ADK: variants seen among roughly 807,000 people sequenced by gnomAD.
The protein encoded by ADK is N6,N6-dimethyladenosine kinase.
ADK carries 24 observed loss-of-function variants against 44.7 expected under a neutral mutation model. That is an observed-to-expected ratio of 0.54 (90% CI 0.39 to 0.76). The LOEUF (loss-of-function observed/expected upper bound fraction) is 0.76, where lower values mean the gene tolerates loss of function less well. Ranked by LOEUF, ADK falls within the 30% of genes least tolerant of loss-of-function variation. ADK has a pLI of 0.00. For missense variants in ADK, 321 were observed against 425.1 expected, an observed-to-expected ratio of 0.76 and a Z score of 2.15; for synonymous variants, 128 against 142.6, an observed-to-expected ratio of 0.90 and a Z score of 0.73.
intron 4 of ADK, among the ~76,000 whole-genome samples, chr10:74,383,433 G>C (rs1255954411): frequency 8.8e-6 from 1 of 114,078 alleles, no homozygotes; most frequent in Admixed American, 8.9e-5. Flanking sequence ...TCTCTTTCTC[G>C]GCCTCTCTGC....
At position 74,553,748 on chromosome 10, in the gene ADK, T is replaced by G. The variant is rs139641382; in HGVS notation, c.726+28322T>G. ...AGAGACAGTAGAAAACTTTCTGGGA[T>G]TATAGAAATGTTCTATGTCTTGTTT... is the stretch of plus-strand genomic sequence containing the variant. On this transcript the variant is annotated intron_variant, in intron 7 of 10. Transcript: ENST00000539909. Among the ~76,000 whole-genome samples the G allele has an allele frequency of 5.1e-3, 771 of 152,278 alleles. 6 individuals carry two copies. Among genetic ancestry groups the G allele is most frequent in the African/African-American group, 0.018 (741 of 41,558 alleles).
intron 1 of ADK, among the ~76,000 whole-genome samples, chr10:74,172,206 A>C (rs945735601): frequency 1.5e-4 from 22 of 148,562 alleles, no homozygotes; most frequent in African/African-American, 5.4e-4. Context: ...CGGCGCAAAC[A>C]CAGCTTGCTG....
chr10:74,280,447 C>CACACAT (rs1554837542), intron 3 of ADK, among the ~76,000 whole-genome samples: 2 of 151,824 alleles, frequency 1.3e-5, no homozygotes, highest in Non-Finnish European at 1.5e-5. Context: ...CACACACACA[C>CACACAT]GTTTTTTAGA....
At chr10:74,280,425 C>CACACACACACACACACACAT (rs1846891143) in intron 3 of ADK, among the ~76,000 whole-genome samples, 1 of 151,688 alleles carries the variant, frequency 6.6e-6, no homozygotes. Flanking sequence ...AACACACACA[C>CACACACACACACACACACAT]ACACACACAC....
chr10:74,158,825 T>C (rs1328319288), intron 1 of ADK, among the ~76,000 whole-genome samples: 1 of 152,212 alleles, frequency 6.6e-6, no homozygotes, highest in Non-Finnish European at 1.5e-5. Context: ...TAGATGCTCA[T>C]TTCAAAGATA....
In ADK at chr10:74,197,919, G is replaced by C. The variant is rs1843219775; in HGVS notation, c.66-2845G>C. ...ACAATTATATTCCTTAAAACTGAGA[G>C]GGGACCAATTGAGGGTAGAGGGATT... is the stretch of plus-strand genomic sequence containing the variant. On this transcript the variant is annotated intron_variant, in intron 1 of 10. Transcript: ENST00000539909. Among the ~76,000 whole-genome samples, 6 of 152,246 alleles carry C rather than the reference G, an allele frequency of 3.9e-5. No homozygotes were observed. The South Asian group carries it at 1.0e-3, about 26-fold the overall frequency.
chr10:74,206,776 G>C (rs1843612614), intron 2 of ADK, among the ~76,000 whole-genome samples: 1 of 152,150 alleles, frequency 6.6e-6, no homozygotes, highest in Non-Finnish European at 1.5e-5. Flanking sequence ...TTGGATCACT[G>C]TTTTTAAAAT....
At chr10:74,453,049 C>G (rs1178336381) in intron 6 of ADK, among the ~76,000 whole-genome samples, 1 of 151,904 alleles carries the variant, frequency 6.6e-6, no homozygotes, top group Non-Finnish European at 1.5e-5. Context: ...TTTGTGCAAA[C>G]CGTGGTGATA....
At chr10:74,428,407 G>A (rs1844873780) in intron 6 of ADK, among the ~76,000 whole-genome samples, 1 of 152,154 alleles carries the variant, frequency 6.6e-6, no homozygotes, top group African/African-American at 2.4e-5. Flanking sequence ...TGTTTGTTAA[G>A]TATACAGAAT....
In ADK at chr10:74,654,883, G is replaced by A. The variant is rs543551094; in HGVS notation, c.878-15300G>A. The A allele has an allele frequency of 7.8e-4, 119 of 152,710 alleles. 1 individual carries two copies. In the South Asian group the frequency reaches 0.014, roughly 18 times the overall value. The allele number at this position is 152,710 out of a possible 1,614,324, so 9.5% of individuals were successfully genotyped here. A position where few individuals can be genotyped will look rare whatever the true frequency, so the allele number is the denominator to read the frequency against. Reference sequence around the variant, plus strand: ...GCCATTCAGACTTCCGCTTGTGGCAGAGACCAAGGGATGGCAGCAGGTTAG... The same window carrying A: ...GCCATTCAGACTTCCGCTTGTGGCAAAGACCAAGGGATGGCAGCAGGTTAG... On this transcript the variant is annotated intron_variant, in intron 9 of 10. Coordinates refer to ENST00000539909, the MANE Select transcript of ADK (RefSeq NM_006721.4).
intron 10 of ADK, among the ~76,000 whole-genome samples, chr10:74,679,839 T>C (rs1855536742): frequency 6.6e-6 from 1 of 151,956 alleles, no homozygotes; most frequent in Non-Finnish European, 1.5e-5. Context: ...TGGGTGCCTA[T>C]AATCCCAGCT....
At chr10:74,157,720 A>C (rs1841789794) in intron 1 of ADK, among the ~76,000 whole-genome samples, 1 of 150,876 alleles carries the variant, frequency 6.6e-6, no homozygotes, top group Non-Finnish European at 1.5e-5. Flanking sequence ...CTTTACTAAA[A>C]AAAAAAAAAA....
intron 4 of ADK, among the ~76,000 whole-genome samples, chr10:74,351,234 C>G (rs1841953583): frequency 6.6e-6 from 1 of 152,136 alleles, no homozygotes; most frequent in South Asian, 2.1e-4. Context: ...CCACCACAAT[C>G]AAGTCGGCTT....
chr10:74,423,774 G>A (rs1393133888), intron 6 of ADK: 4 of 368,916 alleles, frequency 1.1e-5, no homozygotes, highest in Non-Finnish European at 2.1e-5. Flanking sequence ...TGATTTCATA[G>A]TACATGGGGG....
rs1459336200 is a variant in ADK, at chr10:74,224,726, T to C, written c.194+135T>C. The C allele has an allele frequency of 4.1e-6, 3 of 734,012 alleles. No homozygotes were observed. In the Admixed American group the frequency reaches 6.2e-5, roughly 15 times the overall value. The allele number at this position is 734,012 out of a possible 1,614,324, so 45.5% of individuals were successfully genotyped here. On this transcript the variant is annotated intron_variant, in intron 3 of 10. Transcript: ENST00000539909. ...AACACTATGACCTTAATCCTAACAA[T>C]TATGATAACCTACACTATATAATTT...
At chr10:74,402,342 CT>C (rs1018235309) in intron 6 of ADK, among the ~76,000 whole-genome samples, 12 of 152,194 alleles carry the variant, frequency 7.9e-5, no homozygotes, top group African/African-American at 2.9e-4. Flanking sequence ...TGTTTTCCAA[CT>C]TGGTTCCATT....
At chr10:74,465,396 G>T (rs555699389) in intron 6 of ADK, among the ~76,000 whole-genome samples, 6 of 152,198 alleles carry the variant, frequency 3.9e-5, no homozygotes, top group Admixed American at 2.0e-4. Flanking sequence ...GACTTTATAG[G>T]TCATTATAAA....
intron 4 of ADK, among the ~76,000 whole-genome samples, chr10:74,319,721 C>A (rs1299363513): frequency 6.6e-6 from 1 of 151,908 alleles, no homozygotes; most frequent in African/African-American, 2.4e-5. Context: ...TTTTTTGATA[C>A]CTTCTTCCTT....
At chr10:74,349,627 AT>A (rs1336563960) in intron 4 of ADK, among the ~76,000 whole-genome samples, 1 of 152,186 alleles carries the variant, frequency 6.6e-6, no homozygotes, top group Non-Finnish European at 1.5e-5. Flanking sequence ...GGCAAATTGG[AT>A]GAAGAGTCAA....
Sources: allele counts gnomAD v4.1 joint callset (sites outside exome capture counted in the v4.1 genomes callset), GRCh38; gene constraint gnomAD v4.1.1; transcripts MANE v1.5; gene names NCBI Gene and HGNC (gene_info 2026-07-23, HGNC 2026-07-21).